Variants in BMPR2 observed in about 807,000 individuals in gnomAD.
BMPR2 encodes bone morphogenetic protein receptor type-2.
BMPR2 carries 29 observed loss-of-function variants against 100.8 expected under a neutral mutation model. The observed-to-expected ratio is 0.29, with a 90% CI of 0.21 to 0.39. The LOEUF is 0.39. Among genes scored for constraint, BMPR2 ranks in the 10% least tolerant of loss-of-function variants. The pLI, the probability that BMPR2 is intolerant of heterozygous loss-of-function variation, is 1.00. For synonymous variants in BMPR2, 382 were observed against 442.3 expected (o/e 0.86, Z 1.71); for missense variants, 1,011 against 1,274.5 (o/e 0.79, Z 3.15).
At chr2:202,538,387 C>T (rs192212800) in intron 9 of BMPR2, among the ~76,000 whole-genome samples, 3 of 152,058 alleles carry the variant, frequency 2.0e-5, no homozygotes, top group East Asian at 1.9e-4. Flanking sequence ...ACTAGGGAGG[C>T]GGAGGTTGCA....
At chr2:202,543,819 G>A (rs1452634967) in intron 10 of BMPR2, among the ~76,000 whole-genome samples, 1 of 152,034 alleles carries the variant, frequency 6.6e-6, no homozygotes, top group Non-Finnish European at 1.5e-5. Flanking sequence ...AGCATTCACT[G>A]CACAACAAAG....
Position 202,520,505 on chromosome 2 carries a change from A to T in BMPR2, c.967+304A>T. The T allele has an allele frequency of 7.8e-6, 3 of 386,972 alleles. No homozygotes were observed. In the South Asian group the frequency reaches 8.4e-5, roughly 11 times the overall value. The allele number at this position is 386,972 out of a possible 1,614,324, so 24.0% of individuals were successfully genotyped here. On this transcript the variant is annotated intron_variant, in intron 7 of 12. Transcript: ENST00000374580. ...GGTCATGTCCTGTGAGGACATCAAC[A>T]TTTCTGGCAGTTTCTACAGAAACAA...
intron 3 of BMPR2, among the ~76,000 whole-genome samples, chr2:202,513,508 T>C (rs1687659034): frequency 6.6e-6 from 1 of 152,214 alleles, no homozygotes; most frequent in Non-Finnish European, 1.5e-5. Context: ...TGTTTTAGTG[T>C]TCCAAATCTA....
intron 1 of BMPR2, among the ~76,000 whole-genome samples, chr2:202,439,388 A>ATT (rs1691684442): frequency 1.4e-5 from 2 of 147,430 alleles, no homozygotes; most frequent in South Asian, 4.3e-4. Context: ...ATATACAAGC[A>ATT]AATTTGGATT....
intron 1 of BMPR2, among the ~76,000 whole-genome samples, chr2:202,416,940 G>A (rs917785164): frequency 7.7e-5 from 11 of 143,770 alleles, no homozygotes; most frequent in Non-Finnish European, 1.7e-4. Flanking sequence ...GGGTTCACAC[G>A]ATTCTCCTGT....
At chr2:202,552,668 A>ATT (rs539397286) in intron 10 of BMPR2, 48 bp from the exon 11 acceptor site, 19 of 1,225,960 alleles carry the variant, frequency 1.5e-5, no homozygotes, top group Admixed American at 2.0e-5. Context: ...AGCTCAATAC[A>ATT]TTTTTTTTTT....
At chr2:202,398,356 CT>C (rs1690695303) in intron 1 of BMPR2, among the ~76,000 whole-genome samples, 1 of 152,024 alleles carries the variant, frequency 6.6e-6, no homozygotes, top group South Asian at 2.1e-4. Context: ...TCATTCAGCT[CT>C]TTTCTAATTG....
chr2:202,457,970 A>T (rs1182467460), intron 1 of BMPR2, among the ~76,000 whole-genome samples: 1 of 152,030 alleles, frequency 6.6e-6, no homozygotes, highest in African/African-American at 2.4e-5. Context: ...ACTTCAGGTG[A>T]TCTGCCCACT....
In BMPR2 at chr2:202,513,815, A is replaced by T. The variant is rs1008412937; in HGVS notation, c.515A>T (p.Tyr172Phe). 6.2e-7 allele frequency: 1 copy of T among 1,610,568 alleles called. No individual in the cohort carries two copies. The highest frequency in any genetic ancestry group is 1.7e-4 in the Middle Eastern group (1 of 5,972). The change falls in exon 4 of 13, where the codon TAC (tyrosine) becomes TTC (phenylalanine). Residue 172 changes from tyrosine to phenylalanine, a missense_variant. Tyr to Phe is a conservative substitution (Grantham distance 22). Transcript: ENST00000374580. ...TTGATAGTTGCCTTATGCTTTGGAT[A>T]CAGAATGTTGACAGGTAAAAATTAC... ...AVLIVALCFG[Y>F]RMLTGDRKQG... is the part of the protein sequence containing the mutation.
In BMPR2 at chr2:202,464,823, G is replaced by A. The variant is rs1085307162; in HGVS notation, c.91G>A (p.Glu31Lys). 7.4e-6 allele frequency: 12 copies of A among 1,612,570 alleles called. No individual in the cohort carries two copies. Among genetic ancestry groups the A allele is most frequent in the Non-Finnish European group, 9.3e-6 (11 of 1,179,438 alleles). The change falls in exon 2 of 13, where the codon GAA becomes AAA. Residue 31 changes from glutamate to lysine, a missense_variant. By Grantham distance (56) the Glu-to-Lys change is moderately conservative (BLOSUM62 1). Coordinates refer to ENST00000374580, the MANE Select transcript of BMPR2 (RefSeq NM_001204.7). ...VSTAAASQNQ[E>K]RLCAFKDPYQ... ...CTTTATTTTAGCTTCGCAGAATCAA[G>A]AACGGCTATGTGCGTTTAAAGATCC...
At chr2:202,469,465 A>G (rs555800390) in intron 3 of BMPR2, 1 of 298,472 alleles carries the variant, frequency 3.4e-6, no homozygotes, top group African/African-American at 2.2e-5. Context: ...AATGAACCCA[A>G]TTTTATTTTT....
intron 1 of BMPR2, among the ~76,000 whole-genome samples, chr2:202,377,940 A>G (rs1690187513): frequency 6.6e-6 from 1 of 152,234 alleles, no homozygotes; most frequent in Non-Finnish European, 1.5e-5. Flanking sequence ...TATTATAAAG[A>G]AGCGGTTTTG....
Position 202,377,049 on chromosome 2 carries a change from G to A in BMPR2, c.-426G>A. ...CCGGCTTCGTCCTTCCCGGCAGTCG[G>A]GAACTAGTTCTGACCCTCGCCCCCC... On this transcript the variant is annotated 5_prime_UTR_variant, in exon 1 of 13. Coordinates refer to ENST00000374580, the MANE Select transcript of BMPR2 (RefSeq NM_001204.7). 1 of 463,220 alleles carries A rather than the reference G, an allele frequency of 2.2e-6. No homozygotes were observed. Among genetic ancestry groups the A allele is most frequent in the Non-Finnish European group, 3.8e-6 (1 of 264,718 alleles). 28.7% of individuals were successfully genotyped at this position (463,220 alleles called of 1,614,324 possible).
chr2:202,549,550 ACCAGCCTGG>A (rs1343916740), intron 10 of BMPR2, among the ~76,000 whole-genome samples: 1 of 152,136 alleles, frequency 6.6e-6, no homozygotes, highest in Non-Finnish European at 1.5e-5. Context: ...GGAGTTCAAG[ACCAGCCTGG>A]CCAACATGGT....
chr2:202,474,999 C>T (rs537203551), intron 3 of BMPR2: 1 of 152,194 alleles, frequency 6.6e-6, no homozygotes, highest in South Asian at 2.1e-4. Flanking sequence ...CCATATACAA[C>T]CATTGTTAAT....
intron 1 of BMPR2, among the ~76,000 whole-genome samples, chr2:202,386,379 C>G (rs1265121905): frequency 6.6e-6 from 1 of 152,184 alleles, no homozygotes; most frequent in Non-Finnish European, 1.5e-5. Context: ...ATGTCTTAGC[C>G]TATTCAGCAA....
Position 202,531,127 on chromosome 2 carries a change from A to T in BMPR2, c.1128+173A>T, listed in dbSNP as rs139837081. ...AGACCAGCTTGGCCAACATGGCGAA[A>T]CCCCGTCTCTACTAAAAATACAAAA... On this transcript the variant is annotated intron_variant, in intron 8 of 12. Transcript: ENST00000374580. Among the ~76,000 whole-genome samples the T allele has an allele frequency of 4.6e-5, 7 of 152,236 alleles. No individual in the cohort carries two copies. The East Asian group carries it at 1.4e-3, about 29-fold the overall frequency.
chr2:202,396,884 GCCTC>G (rs903495627), intron 1 of BMPR2, among the ~76,000 whole-genome samples: 1 of 151,826 alleles, frequency 6.6e-6, no homozygotes, highest in African/African-American at 2.4e-5. Flanking sequence ...GGCAACCTCT[GCCTC>G]CCGGGTTCAA....
At chr2:202,388,551 G>A (rs1690481408) in intron 1 of BMPR2, among the ~76,000 whole-genome samples, 2 of 151,932 alleles carry the variant, frequency 1.3e-5, no homozygotes, top group Admixed American at 6.6e-5. Flanking sequence ...TTGGGAGGCC[G>A]AAGCGGGCAG....
Sources: allele counts gnomAD v4.1 joint callset (sites outside exome capture counted in the v4.1 genomes callset), GRCh38; gene constraint gnomAD v4.1.1; transcripts MANE v1.5; gene names NCBI Gene and HGNC (gene_info 2026-07-23, HGNC 2026-07-21).